The following ULK4 variants were observed in gnomAD, a reference collection of about 807,000 sequenced individuals.
ULK4 encodes the protein inactive serine/threonine-protein kinase ULK4.
A neutral mutation model predicts 160.6 loss-of-function variants in ULK4; 133 were observed. The observed-to-expected ratio is 0.83, with a 90% CI of 0.72 to 0.96. The LOEUF is 0.96. ULK4 is among the 40% of genes least tolerant of loss of function. ULK4 has a pLI of 0.00. For missense variants in ULK4, 1,580 were observed against 1,499.5 expected (o/e 1.05, Z -0.89); for synonymous variants, 534 against 539.8 (o/e 0.99, Z 0.15).
intron 34 of ULK4, among the ~76,000 whole-genome samples, chr3:41,413,110 G>A (rs1404851393): frequency 6.6e-6 from 1 of 152,140 alleles, no homozygotes; most frequent in Non-Finnish European, 1.5e-5. Flanking sequence ...ATCTCACAAG[G>A]CAGCAGACAA....
intron 32 of ULK4, among the ~76,000 whole-genome samples, chr3:41,529,904 C>T (rs962924088): frequency 1.3e-5 from 2 of 152,084 alleles, no homozygotes; most frequent in African/African-American, 4.8e-5. Context: ...TTGTATGATT[C>T]CATCTATATA....
At chr3:41,378,368 G>A (rs1559555468) in intron 35 of ULK4, among the ~76,000 whole-genome samples, 1 of 150,720 alleles carries the variant, frequency 6.6e-6, no homozygotes. Flanking sequence ...AAAACTTAAA[G>A]TATAATAATA....
At chr3:41,852,976 A>G (rs955005289) in intron 17 of ULK4, among the ~76,000 whole-genome samples, 1 of 152,212 alleles carries the variant, frequency 6.6e-6, no homozygotes, top group Non-Finnish European at 1.5e-5. Context: ...TCTGCAGCTC[A>G]CATTCACAAT....
At chr3:41,793,962 AAATATC>A (rs2040221456) in intron 20 of ULK4, among the ~76,000 whole-genome samples, 1 of 152,316 alleles carries the variant, frequency 6.6e-6, no homozygotes, top group South Asian at 2.1e-4. Flanking sequence ...AGTGGTTCTT[AAATATC>A]AGCAGGCAAC....
intron 2 of ULK4, among the ~76,000 whole-genome samples, chr3:41,948,288 T>C (rs556122658): frequency 6.6e-6 from 1 of 152,140 alleles, no homozygotes; most frequent in South Asian, 2.1e-4. Context: ...CCATCTCTAC[T>C]AAAAATACAA....
chr3:41,330,289 T>C (rs1469493315), intron 35 of ULK4, among the ~76,000 whole-genome samples: 2 of 152,228 alleles, frequency 1.3e-5, no homozygotes, highest in South Asian at 2.1e-4. Flanking sequence ...ATTAACCCTA[T>C]ACTGACTGCC....
In ULK4 at chr3:41,733,309, C is replaced by A. The variant is rs919789506; in HGVS notation, c.2322-15448G>T. 2.6e-5 allele frequency among the ~76,000 whole-genome samples: 4 copies of A among 151,872 alleles called. No individual in the cohort carries two copies. The East Asian group carries it at 7.7e-4, about 29-fold the overall frequency. On this transcript the variant is annotated intron_variant, in intron 22 of 36. Coordinates refer to ENST00000301831, the MANE Select transcript of ULK4 (RefSeq NM_017886.4). ...AAATTTGCAGTGACTGCATCACACA[C>A]AAGCAGAAAAGGTGTTGTCTCTGAA...
chr3:41,597,922 T>G (rs1379856498), intron 31 of ULK4, among the ~76,000 whole-genome samples: 1 of 152,148 alleles, frequency 6.6e-6, no homozygotes, highest in African/African-American at 2.4e-5. Context: ...GCATAGCAGG[T>G]GCACTGAATC....
At chr3:41,471,980 A>C (rs1436607273) in intron 32 of ULK4, among the ~76,000 whole-genome samples, 2 of 151,734 alleles carry the variant, frequency 1.3e-5, no homozygotes, top group African/African-American at 4.8e-5. Context: ...CAATTTTAGC[A>C]GAAAAATTAA....
intron 17 of ULK4, 126 bp from the exon 18 acceptor site, chr3:41,836,097 T>A: frequency 1.6e-6 from 1 of 621,422 alleles, no homozygotes; most frequent in East Asian, 2.8e-5. Context: ...CAAATTATTT[T>A]CAAAATATGG....
intron 17 of ULK4, among the ~76,000 whole-genome samples, chr3:41,866,334 A>G (rs544963575): frequency 6.6e-6 from 1 of 152,348 alleles, no homozygotes; most frequent in East Asian, 1.9e-4. Context: ...ATATTAATGC[A>G]GCAGTCCCCA....
chr3:41,594,614 T>C (rs952396264), intron 31 of ULK4, among the ~76,000 whole-genome samples: 1 of 152,040 alleles, frequency 6.6e-6, no homozygotes, highest in Non-Finnish European at 1.5e-5. Flanking sequence ...TGGTATGAGA[T>C]GGGGTGGAAG....
Position 41,383,898 on chromosome 3 carries a change from C to T in ULK4, c.3678+14181G>A, listed in dbSNP as rs146207490. ...TGTTACCAAGAATAGTAGATTGGTC[C>T]TTTCCACATTTTAAATATTTCCCCT... On this transcript the variant is annotated intron_variant, in intron 35 of 36. Transcript: ENST00000301831. Among the ~76,000 whole-genome samples the T allele has an allele frequency of 1.3e-3, 199 of 152,290 alleles. 3 individuals are homozygous for T. The East Asian group carries it at 0.037, about 28-fold the overall frequency.
chr3:41,284,458 G>C (rs2079421780), intron 35 of ULK4, among the ~76,000 whole-genome samples: 2 of 152,052 alleles, frequency 1.3e-5, no homozygotes, highest in Non-Finnish European at 1.5e-5. Flanking sequence ...ACAGTCAACT[G>C]ATCTTCAACA....
intron 34 of ULK4, among the ~76,000 whole-genome samples, chr3:41,441,298 TC>T (rs1219088691): frequency 6.6e-6 from 1 of 152,056 alleles, no homozygotes; most frequent in Admixed American, 6.6e-5. Flanking sequence ...TAAATCTCCC[TC>T]CCCCTAAGTA....
intron 31 of ULK4, among the ~76,000 whole-genome samples, chr3:41,577,798 C>T (rs1040620068): frequency 2.0e-5 from 3 of 152,136 alleles, no homozygotes; most frequent in Non-Finnish European, 4.4e-5. Flanking sequence ...AATTATTTAC[C>T]TAAAAATCAC....
intron 35 of ULK4, among the ~76,000 whole-genome samples, chr3:41,275,567 CAAAG>C (rs2079215169): frequency 6.8e-6 from 1 of 147,830 alleles, no homozygotes; most frequent in Admixed American, 6.7e-5. Context: ...ATACCCTTTT[CAAAG>C]AAAGATTAGA....
intron 35 of ULK4, among the ~76,000 whole-genome samples, chr3:41,340,355 G>C (rs1248893379): frequency 1.3e-5 from 2 of 152,246 alleles, no homozygotes; most frequent in Non-Finnish European, 2.9e-5. Context: ...AGGTGGGAAG[G>C]GGGAGGCAGG....
intron 35 of ULK4, among the ~76,000 whole-genome samples, chr3:41,332,125 A>G (rs1405490347): frequency 2.6e-5 from 4 of 151,980 alleles, no homozygotes; most frequent in African/African-American, 9.7e-5. Flanking sequence ...TTTAGTACCC[A>G]TTGGAAATCT....
Sources: gnomAD v4.1 joint callset for allele counts (sites outside exome capture counted in the v4.1 genomes callset) on GRCh38, gnomAD v4.1.1 for gene constraint, MANE v1.5 for transcripts, NCBI Gene and HGNC (gene_info 2026-07-23, HGNC 2026-07-21) for gene names.